BPTF: variants seen among roughly 807,000 people sequenced by gnomAD.
BPTF encodes the protein nucleosome-remodeling factor subunit BPTF.
In BPTF, 18 loss-of-function variants were observed where a neutral mutation model predicts 292.5. That is an observed-to-expected ratio of 0.06 (90% CI 0.04 to 0.09). BPTF has a LOEUF of 0.09. Ranked by LOEUF, BPTF falls within the 10% of genes least tolerant of loss-of-function variation. The pLI, the probability that BPTF is intolerant of heterozygous loss-of-function variation, is 1.00. For missense variants in BPTF, 2,726 were observed against 3,498.7 expected (o/e 0.78, Z 5.57); for synonymous variants, 1,225 against 1,251.9 (o/e 0.98, Z 0.45).
chr17:67,912,360 T>C lies in BPTF; in HGVS notation c.4476T>C (p.Asp1492=). ...ETKSHLLSSS[D]AEGNYRDSLE... is the part of the protein sequence containing the mutation. ...AATCGCATTTGCTGAGTTCTTCAGATGCTGAAGGTAACTACCGAGATAGCC... is the reference window on the plus strand; with the variant it reads ...AATCGCATTTGCTGAGTTCTTCAGACGCTGAAGGTAACTACCGAGATAGCC... The change falls in exon 11 of 28, where the codon GAT becomes GAC. Residue 1492 remains aspartate (D), a synonymous_variant. Transcript: ENST00000306378. The C allele has an allele frequency of 3.7e-6, 6 of 1,614,116 alleles. No homozygotes were observed. The South Asian group carries it at 6.6e-5, about 18-fold the overall frequency.
chr17:67,836,186 ATTAT>A (rs2057117855), intron 1 of BPTF, among the ~76,000 whole-genome samples: 1 of 152,166 alleles, frequency 6.6e-6, no homozygotes, highest in African/African-American at 2.4e-5. Flanking sequence ...CACTGGCCAA[ATTAT>A]TTATCTATGG....
intron 2 of BPTF, 70 bp from the exon 3 acceptor site, chr17:67,866,393 TG>T: frequency 8.3e-7 from 1 of 1,209,958 alleles, no homozygotes; most frequent in Non-Finnish European, 1.2e-6. Context: ...AAGTTTTCAC[TG>T]GGTAGATGAA....
At chr17:67,845,493 G>A (rs1194515128) in intron 1 of BPTF, among the ~76,000 whole-genome samples, 1 of 152,204 alleles carries the variant, frequency 6.6e-6, no homozygotes, top group Admixed American at 6.5e-5. Context: ...AAACAAGAGG[G>A]CAGGCATGGT....
At position 67,963,525 on chromosome 17, in the gene BPTF, A is replaced by C. The variant is rs1229968074; in HGVS notation, c.8262-687A>C. On this transcript the variant is annotated intron_variant, in intron 24 of 27. Coordinates refer to ENST00000306378, the MANE Select transcript of BPTF (RefSeq NM_182641.4). ...AGTCACAGTGAGTTCTGATAAGAGC[A>C]TCATATTTAATAATTTAGGAAGCCA... 9 of 1,394,094 alleles carry C rather than the reference A, an allele frequency of 6.5e-6. No homozygotes were observed. In the African/African-American group the frequency reaches 1.3e-4, roughly 20 times the overall value. 86.4% of individuals were successfully genotyped at this position (1,394,094 alleles called of 1,614,324 possible).
intron 9 of BPTF, among the ~76,000 whole-genome samples, chr17:67,905,399 C>T (rs1221149305): frequency 2.6e-5 from 4 of 151,118 alleles, no homozygotes; most frequent in African/African-American, 9.7e-5. Flanking sequence ...CAGAGCAAGA[C>T]TCTGTCTCAA....
intron 24 of BPTF, among the ~76,000 whole-genome samples, chr17:67,962,772 TTTC>T (rs1555684763): frequency 6.6e-6 from 1 of 152,224 alleles, no homozygotes; most frequent in African/African-American, 2.4e-5. Context: ...CTTTCTTAGT[TTTC>T]TTCTTCATAT....
intron 1 of BPTF, among the ~76,000 whole-genome samples, chr17:67,852,691 A>G (rs1425283349): frequency 2.0e-5 from 3 of 152,252 alleles, no homozygotes; most frequent in Non-Finnish European, 2.9e-5. Context: ...TTTGTAAACT[A>G]TATTGAATTA....
At chr17:67,968,908 A>G (rs2068444243) in intron 26 of BPTF, among the ~76,000 whole-genome samples, 1 of 151,160 alleles carries the variant, frequency 6.6e-6, no homozygotes, top group Non-Finnish European at 1.5e-5. Context: ...TTGAACCTGG[A>G]AGGCAGAGGT....
chr17:67,832,848 C>A (rs1468574266), intron 1 of BPTF, among the ~76,000 whole-genome samples: 1 of 132,978 alleles, frequency 7.5e-6, no homozygotes, highest in East Asian at 2.4e-4. Context: ...AGTGGAGTGG[C>A]GGGATCTCAG....
chr17:67,899,275 G>C (rs747714059), intron 7 of BPTF, among the ~76,000 whole-genome samples: 1 of 152,154 alleles, frequency 6.6e-6, no homozygotes, highest in Non-Finnish European at 1.5e-5. Flanking sequence ...AGAGCCAGCC[G>C]CTTTGGATGC....
At chr17:67,922,130 C>T (rs2063493624) in intron 13 of BPTF, among the ~76,000 whole-genome samples, 1 of 152,166 alleles carries the variant, frequency 6.6e-6, no homozygotes, top group African/African-American at 2.4e-5. Flanking sequence ...CCTTCAGTCT[C>T]CTTGACCCCA....
At position 67,912,202 on chromosome 17, in the gene BPTF, G is replaced by T. The variant is rs199978431; in HGVS notation, c.4318G>T (p.Val1440Phe). Residue 1440 changes from valine to phenylalanine, a missense_variant, in exon 11 of 28, where the codon GTT becomes TTT. Val to Phe is a conservative substitution (Grantham distance 50). This residue lies in a region of BPTF where 713 missense variants were observed against 714.9 expected (regional missense o/e 1.00). Transcript: ENST00000306378. Reference protein sequence around the residue: ...RVVSGNVEPKVNNINKIIPEN... With the variant: ...RVVSGNVEPKFNNINKIIPEN... Reference sequence around the variant, plus strand: ...AGTAAGTGGTAATGTTGAACCAAAGGTTAATAATATAAATAAAATAATCCC... The same window carrying T: ...AGTAAGTGGTAATGTTGAACCAAAGTTTAATAATATAAATAAAATAATCCC... 6.2e-7 allele frequency: 1 copy of T among 1,609,504 alleles called. No homozygotes were observed. Among genetic ancestry groups the T allele is most frequent in the East Asian group, 2.2e-5 (1 of 44,870 alleles).
intron 21 of BPTF, 62 bp from the exon 22 acceptor site, chr17:67,947,664 A>T: frequency 8.0e-7 from 1 of 1,242,580 alleles, no homozygotes. Flanking sequence ...TACTGTTGTT[A>T]TCTGTGTACT....
At chr17:67,879,367 C>T (rs1011894362) in intron 4 of BPTF, among the ~76,000 whole-genome samples, 9 of 152,024 alleles carry the variant, frequency 5.9e-5, no homozygotes, top group African/African-American at 2.2e-4. Flanking sequence ...GTCTTGAACT[C>T]CTGACCTCAT....
Position 67,959,880 on chromosome 17 carries a change from G to GTAGA in BPTF, c.8261+7_8261+10dup. 6.6e-7 allele frequency: 1 copy of GTAGA among 1,513,734 alleles called. No individual in the cohort carries two copies. The allele number at this position is 1,513,734 out of a possible 1,614,324, so 93.8% of individuals were successfully genotyped here. A position where few individuals can be genotyped will look rare whatever the true frequency, so the allele number is the denominator to read the frequency against. On this transcript the variant is annotated splice_donor_region_variant and intron_variant, in intron 24 of 27. Coordinates refer to ENST00000306378, the MANE Select transcript of BPTF (RefSeq NM_182641.4). ...AACGCCTTATGATGAATCTAAGTGA[G>GTAGA]TAGATCTTTTTGAGCTCTAGTTTTT...
intron 3 of BPTF, 86 bp from the exon 4 acceptor site, chr17:67,874,731 T>G (rs1044404915): frequency 1.3e-5 from 11 of 840,696 alleles, no homozygotes; most frequent in Non-Finnish European, 2.1e-5. Flanking sequence ...TAATAGCTTG[T>G]ATTGAAACTC....
At chr17:67,946,766 A>G (rs1653347995) in intron 21 of BPTF, among the ~76,000 whole-genome samples, 1 of 152,258 alleles carries the variant, frequency 6.6e-6, no homozygotes, top group Non-Finnish European at 1.5e-5. Context: ...TTTGTAAAAA[A>G]GTTTTTGAAA....
intron 19 of BPTF, 38 bp from the exon 20 acceptor site, chr17:67,944,112 G>A (rs782592058): frequency 6.8e-7 from 1 of 1,465,784 alleles, no homozygotes; most frequent in Non-Finnish European, 9.6e-7. Context: ...ACAGATTGAT[G>A]CTTTGAACAC....
rs543727413 is a variant in BPTF, at chr17:67,906,894, T to C, written c.2812+2054T>C. Reference sequence around the variant, plus strand: ...AGGTTCAAGTGAAGAAGGTAAAGAATAGGAAAATGCCTTTAAGTCCAGGTG... The same window carrying C: ...AGGTTCAAGTGAAGAAGGTAAAGAACAGGAAAATGCCTTTAAGTCCAGGTG... On this transcript the variant is annotated intron_variant, in intron 9 of 27. Coordinates refer to ENST00000306378, the MANE Select transcript of BPTF (RefSeq NM_182641.4). Among the ~76,000 whole-genome samples, 21 of 152,204 alleles carry C rather than the reference T, an allele frequency of 1.4e-4. No individual in the cohort carries two copies. The South Asian group carries it at 4.2e-3, about 30-fold the overall frequency.
Sources: allele counts gnomAD v4.1 joint callset (sites outside exome capture counted in the v4.1 genomes callset), GRCh38; gene constraint gnomAD v4.1.1; regional missense constraint gnomAD v4.1.1; transcripts MANE v1.5; gene names NCBI Gene and HGNC (gene_info 2026-07-23, HGNC 2026-07-21).